The following DCHS2 variants were observed in gnomAD, a reference collection of about 807,000 sequenced individuals.
DCHS2 encodes dachsous cadherin-related 2, also known as protocadherin-23.
Under a neutral mutation model 182.4 loss-of-function variants are expected in DCHS2, and 142 were observed. The ratio of observed to expected loss-of-function variants is 0.78; its 90% confidence interval spans 0.68 to 0.89. The LOEUF (loss-of-function observed/expected upper bound fraction) is 0.89. Ranked by LOEUF, DCHS2 falls within the 40% of genes least tolerant of loss-of-function variation. The probability of loss-of-function intolerance (pLI) is 0.00; values close to 1 mark genes in which losing one functional copy is unlikely to be tolerated. For missense variants in DCHS2, 4,319 were observed against 4,198.6 expected (o/e 1.03, Z -0.79); for synonymous variants, 1,740 against 1,663.3 (o/e 1.05, Z -1.12).
At chr4:154,438,490 C>G (rs1353038029) in intron 1 of DCHS2, among the ~76,000 whole-genome samples, 1 of 152,094 alleles carries the variant, frequency 6.6e-6, no homozygotes, top group Non-Finnish European at 1.5e-5. Flanking sequence ...TCAAGATTTT[C>G]TTGGTTATTC....
chr4:154,435,877 C>T (rs1361741613), intron 1 of DCHS2, among the ~76,000 whole-genome samples: 1 of 152,116 alleles, frequency 6.6e-6, no homozygotes, highest in Non-Finnish European at 1.5e-5. Flanking sequence ...TGATGAGAAA[C>T]CTGAAATAGG....
intron 10 of DCHS2, among the ~76,000 whole-genome samples, chr4:154,309,494 C>T (rs778623910): frequency 3.9e-5 from 6 of 152,158 alleles, no homozygotes; most frequent in Non-Finnish European, 8.8e-5. Flanking sequence ...CTTCTTCTTT[C>T]CCAGTATTAG....
intron 13 of DCHS2, among the ~76,000 whole-genome samples, chr4:154,294,212 A>G (rs898530888): frequency 6.6e-6 from 1 of 152,196 alleles, no homozygotes; most frequent in Non-Finnish European, 1.5e-5. Context: ...ACCACCTTTT[A>G]AGAGACTAAA....
At chr4:154,381,075 A>G (rs1341729927) in intron 1 of DCHS2, among the ~76,000 whole-genome samples, 1 of 152,082 alleles carries the variant, frequency 6.6e-6, no homozygotes, top group Admixed American at 6.6e-5. Context: ...TCGCAATCTT[A>G]TGGTGCTGAT....
At chr4:154,300,058 G>A (rs747381408) in intron 12 of DCHS2, among the ~76,000 whole-genome samples, 3 of 152,148 alleles carry the variant, frequency 2.0e-5, no homozygotes, top group Non-Finnish European at 4.4e-5. Context: ...ACAAGTTTTG[G>A]GGAGAGTGTT....
intron 1 of DCHS2, among the ~76,000 whole-genome samples, chr4:154,445,109 T>C (rs575080793): frequency 1.2e-4 from 18 of 152,294 alleles, no homozygotes; most frequent in African/African-American, 3.4e-4. Context: ...TTAATTCTAC[T>C]CATACATTTG....
At chr4:154,360,771 G>T (rs1730082544) in intron 3 of DCHS2, among the ~76,000 whole-genome samples, 1 of 152,108 alleles carries the variant, frequency 6.6e-6, no homozygotes. Flanking sequence ...ACAAACAAAA[G>T]ATTACAACTA....
At chr4:154,251,611 C>T (rs553766141) in intron 16 of DCHS2, among the ~76,000 whole-genome samples, 177 of 152,226 alleles carry the variant, frequency 1.2e-3, no homozygotes, top group African/African-American at 3.1e-3. Context: ...CTCCACCTTC[C>T]GGGTTCAAGC....
At chr4:154,251,002 C>T (rs886650848) in intron 16 of DCHS2, among the ~76,000 whole-genome samples, 6 of 152,204 alleles carry the variant, frequency 3.9e-5, no homozygotes, top group African/African-American at 9.6e-5. Flanking sequence ...TTCACGTTCC[C>T]GTGCCTTTGG....
intron 14 of DCHS2, among the ~76,000 whole-genome samples, chr4:154,261,358 G>A (rs1418945487): frequency 6.6e-6 from 1 of 152,164 alleles, no homozygotes; most frequent in African/African-American, 2.4e-5. Context: ...TGTGTTACTC[G>A]TGTTTGTCTG....
At chr4:154,475,133 A>C (rs1316216573) in intron 1 of DCHS2, among the ~76,000 whole-genome samples, 1 of 152,208 alleles carries the variant, frequency 6.6e-6, no homozygotes, top group Non-Finnish European at 1.5e-5. Flanking sequence ...AAGGGAATGT[A>C]ATAAGTGGTT....
Position 154,236,985 on chromosome 4 carries a change from A to C in DCHS2, c.7667T>G (p.Leu2556Arg). 1 of 1,614,038 alleles carries C rather than the reference A, an allele frequency of 6.2e-7. No homozygotes were observed. Among genetic ancestry groups the C allele is most frequent in the Non-Finnish European group, 8.5e-7 (1 of 1,179,924 alleles). Residue 2556 changes from leucine to arginine, a missense_variant, in exon 20 of 20, where the codon CTT (leucine) becomes CGT (arginine). Leu to Arg is a moderately radical substitution (Grantham distance 102, BLOSUM62 -2). Coordinates refer to ENST00000357232, the MANE Select transcript of DCHS2 (RefSeq NM_001358235.2). ...AACCAGAGCATCCTCACTTAGGCTA[A>C]GATTATAGGATTTGACTGTGAATTC... is the stretch of plus-strand genomic sequence containing the variant. ...APEFTVKSYN[L>R]SLSEDALVGS... is the part of the protein sequence containing the mutation.
In DCHS2 at chr4:154,236,667, G is replaced by C. The variant is rs943603021; in HGVS notation, c.7985C>G (p.Pro2662Arg). The C allele has an allele frequency of 1.9e-6, 3 of 1,613,930 alleles. No homozygotes were observed. The highest frequency in any genetic ancestry group is 2.7e-5 in the African/African-American group (2 of 74,982). Reference sequence around the variant, plus strand: ...ATAGCTCAGGCTGCTGAAGTTTGGGGGATTGTCATTGACATCAAGTACTTG... The same window carrying C: ...ATAGCTCAGGCTGCTGAAGTTTGGGCGATTGTCATTGACATCAAGTACTTG... ...SIQVLDVNDN[P>R]PNFSSLSYHT... is the part of the protein sequence containing the mutation. The change falls in exon 20 of 20, where the codon CCC (proline) becomes CGC (arginine). Residue 2662 changes from proline (P) to arginine (R), a missense_variant. Coordinates refer to ENST00000357232, the MANE Select transcript of DCHS2 (RefSeq NM_001358235.2).
chr4:154,388,384 A>T (rs1181722371), intron 1 of DCHS2, among the ~76,000 whole-genome samples: 1 of 152,172 alleles, frequency 6.6e-6, no homozygotes, highest in Admixed American at 6.5e-5. Context: ...CAGTGTATAC[A>T]ATTAAAAACT....
At chr4:154,277,902 A>G (rs1220397897) in intron 13 of DCHS2, among the ~76,000 whole-genome samples, 1 of 152,006 alleles carries the variant, frequency 6.6e-6, no homozygotes, top group African/African-American at 2.4e-5. Context: ...TTAGCTGGGC[A>G]TGGTGGCGGG....
chr4:154,395,953 A>G (rs1731912027), intron 1 of DCHS2, among the ~76,000 whole-genome samples: 1 of 152,230 alleles, frequency 6.6e-6, no homozygotes. Context: ...GACTTAAAAA[A>G]TGGAAGAGTT....
chr4:154,374,002 CAAAAAAAAAAAAA>C (rs35401379), intron 2 of DCHS2: 18 of 596,862 alleles, frequency 3.0e-5, no homozygotes, highest in African/African-American at 2.9e-4. Flanking sequence ...ATTTTAATAG[CAAAAAAAAAAAAA>C]AAAAAAAAAA....
Position 154,267,617 on chromosome 4 carries a change from T to C in DCHS2, c.6577+2283A>G, listed in dbSNP as rs773284263. On this transcript the variant is annotated intron_variant, in intron 14 of 19. Coordinates refer to ENST00000357232, the MANE Select transcript of DCHS2 (RefSeq NM_001358235.2). ...TCATATGTCCTGCAGTGTTGCCACA[T>C]AGTACCAGAGTTCATCTGTCCCTCC... Among the ~76,000 whole-genome samples, 6 of 152,334 alleles carry C rather than the reference T, an allele frequency of 3.9e-5. No homozygotes were observed. The South Asian group carries it at 1.0e-3, about 26-fold the overall frequency.
intron 1 of DCHS2, among the ~76,000 whole-genome samples, chr4:154,385,962 A>T (rs1259897113): frequency 6.6e-6 from 1 of 151,936 alleles, no homozygotes; most frequent in Admixed American, 6.6e-5. Context: ...GCATCCTCCT[A>T]TGCCAACTCA....
Sources: gnomAD v4.1 joint callset for allele counts (sites outside exome capture counted in the v4.1 genomes callset) on GRCh38, gnomAD v4.1.1 for gene constraint, MANE v1.5 for transcripts, NCBI Gene and HGNC (gene_info 2026-07-23, HGNC 2026-07-21) for gene names.